Variants in KCNH7 observed in about 807,000 individuals in gnomAD.
KCNH7 encodes voltage-gated inwardly rectifying potassium channel KCNH7.
A neutral mutation model predicts 120.8 loss-of-function variants in KCNH7; 49 were observed. That is an observed-to-expected ratio of 0.41 (90% CI 0.32 to 0.51). KCNH7 has a LOEUF of 0.51. KCNH7 is among the 20% of genes least tolerant of loss of function. The pLI is 0.38. For missense variants in KCNH7, 1,097 were observed against 1,446.6 expected, an observed-to-expected ratio of 0.76 and a Z score of 3.92; for synonymous variants, 547 against 516.1, an observed-to-expected ratio of 1.06 and a Z score of -0.81.
chr2:162,748,009 C>T (rs1400946585), intron 2 of KCNH7, among the ~76,000 whole-genome samples: 1 of 152,092 alleles, frequency 6.6e-6, no homozygotes, highest in African/African-American at 2.4e-5. Flanking sequence ...AAATGGTTAC[C>T]TGAGAGCCAA....
intron 2 of KCNH7, among the ~76,000 whole-genome samples, chr2:162,816,928 C>A (rs1315319458): frequency 2.0e-5 from 3 of 151,910 alleles, no homozygotes; most frequent in Non-Finnish European, 4.4e-5. Context: ...TAAATACAAG[C>A]CAATTTTCCT....
At chr2:162,663,403 T>A (rs953426933) in intron 2 of KCNH7, among the ~76,000 whole-genome samples, 23 of 152,220 alleles carry the variant, frequency 1.5e-4, no homozygotes, top group Admixed American at 1.3e-3. Flanking sequence ...AGGATATATT[T>A]TGATGATAAT....
chr2:162,409,116 G>A (rs11900789), intron 9 of KCNH7, among the ~76,000 whole-genome samples: 5 of 151,586 alleles, frequency 3.3e-5, no homozygotes, highest in Non-Finnish European at 5.9e-5. Context: ...AAGAACAGTA[G>A]CAAGCTAGCT....
intron 6 of KCNH7, among the ~76,000 whole-genome samples, chr2:162,490,518 C>T (rs908105144): frequency 6.6e-6 from 1 of 152,188 alleles, no homozygotes; most frequent in Non-Finnish European, 1.5e-5. Flanking sequence ...ATTTTGGGAG[C>T]TCGCACAGGA....
intron 2 of KCNH7, among the ~76,000 whole-genome samples, chr2:162,758,644 G>A (rs1235492467): frequency 6.6e-6 from 1 of 151,848 alleles, no homozygotes; most frequent in East Asian, 1.9e-4. Flanking sequence ...TAGTTGTATT[G>A]TTTTTAGAAA....
rs983021362 is a variant in KCNH7 at position 162,714,762 on chromosome 2, G to A, written c.307+121775C>T. Among the ~76,000 whole-genome samples the A allele has an allele frequency of 2.6e-5, 4 of 152,176 alleles. No homozygotes were observed. In the East Asian group the frequency reaches 5.8e-4, roughly 22 times the overall value. ...TGGCTGTGTTCCGGTGAAACTTTATGGACACTGAAATTTAGATTTTATATA... is the reference window on the plus strand; with the variant it reads ...TGGCTGTGTTCCGGTGAAACTTTATAGACACTGAAATTTAGATTTTATATA... On this transcript the variant is annotated intron_variant, in intron 2 of 15. Coordinates refer to ENST00000332142, the MANE Select transcript of KCNH7 (RefSeq NM_033272.4).
At chr2:162,537,577 T>C (rs1053939984) in intron 2 of KCNH7, among the ~76,000 whole-genome samples, 1 of 152,102 alleles carries the variant, frequency 6.6e-6, no homozygotes, top group African/African-American at 2.4e-5. Context: ...ATCTTATATA[T>C]GTTACAGTAA....
chr2:162,749,776 C>T (rs73014136), intron 2 of KCNH7, among the ~76,000 whole-genome samples: 355 of 151,904 alleles, frequency 2.3e-3, no homozygotes, highest in African/African-American at 8.2e-3. Context: ...GAGTATAGCA[C>T]GTCTCTATGG....
intron 4 of KCNH7, among the ~76,000 whole-genome samples, chr2:162,515,865 T>C (rs1181319928): frequency 6.6e-6 from 1 of 151,808 alleles, no homozygotes; most frequent in Non-Finnish European, 1.5e-5. Context: ...GAGCTATTGA[T>C]TTATCTTTCT....
At position 162,513,467 on chromosome 2, in the gene KCNH7, C is replaced by CTCCTTCCTTCCTTCCT. The variant is rs66776235; in HGVS notation, c.893-809_893-794dup. Reference sequence around the variant, plus strand: ...CTTCCTTCCTTCTCTCCTTCCCTCCCTCCTTCCTTCCTTCCTTCCTTCCTT... The same window carrying CTCCTTCCTTCCTTCCT: ...CTTCCTTCCTTCTCTCCTTCCCTCCCTCCTTCCTTCCTTCCTTCCTTCCTTCCTTCCTTCCTTCCTT... On this transcript the variant is annotated intron_variant, in intron 4 of 15. Transcript: ENST00000332142. Among the ~76,000 whole-genome samples the CTCCTTCCTTCCTTCCT allele has an allele frequency of 8.3e-3, 868 of 104,678 alleles. 28 individuals carry two copies. The highest frequency in any genetic ancestry group is 0.031 in the East Asian group (83 of 2,662). 68.7% of individuals were successfully genotyped at this position (104,678 alleles called of 152,430 possible).
intron 6 of KCNH7, among the ~76,000 whole-genome samples, chr2:162,482,354 A>C (rs1689957237): frequency 6.6e-6 from 1 of 152,190 alleles, no homozygotes; most frequent in Non-Finnish European, 1.5e-5. Context: ...ATGAGGAGTA[A>C]GAATACAGTG....
At chr2:162,412,351 G>A (rs906511843) in intron 9 of KCNH7, among the ~76,000 whole-genome samples, 4 of 151,942 alleles carry the variant, frequency 2.6e-5, no homozygotes, top group East Asian at 1.9e-4. Flanking sequence ...CTTTGTCTAC[G>A]TATTAGATTT....
rs535966982 is a variant in KCNH7, at chr2:162,402,205, T to A, written c.2155-1764A>T. Among the ~76,000 whole-genome samples the A allele has an allele frequency of 4.0e-5, 6 of 151,216 alleles. No individual in the cohort carries two copies. In the South Asian group the frequency reaches 1.3e-3, roughly 32 times the overall value. ...GTCTGTGCCTGTTTCTGCCTCCAGG[T>A]CCTGGAGGCCCTTTCTACTCTTTGT... On this transcript the variant is annotated intron_variant, in intron 9 of 15. Transcript: ENST00000332142.
At chr2:162,512,756 T>C in intron 4 of KCNH7, 82 bp from the exon 5 acceptor site, 1 of 1,050,588 alleles carries the variant, frequency 9.5e-7, no homozygotes, top group East Asian at 2.6e-5. Context: ...ATTACCTGTA[T>C]AAAAACAATC....
intron 2 of KCNH7, among the ~76,000 whole-genome samples, chr2:162,561,052 CT>C (rs58710467): frequency 0.62 from 92,585 of 148,278 alleles, 29,637 homozygotes; most frequent in African/African-American, 0.8. Context: ...ATGAAATAAC[CT>C]TTTTTTTTTT....
intron 2 of KCNH7, among the ~76,000 whole-genome samples, chr2:162,645,010 TTTAAC>T (rs1224380186): frequency 6.6e-6 from 1 of 152,196 alleles, no homozygotes; most frequent in African/African-American, 2.4e-5. Context: ...CCTACTTATA[TTTAAC>T]TAGTGTTTCT....
At chr2:162,506,858 TTTGTGGGGGCA>T (rs1404028474) in intron 5 of KCNH7, among the ~76,000 whole-genome samples, 1 of 151,792 alleles carries the variant, frequency 6.6e-6, no homozygotes, top group Non-Finnish European at 1.5e-5. Flanking sequence ...CTAGGGGAGA[TTTGTGGGGGCA>T]TTTTTTGTTG....
chr2:162,518,526 C>T (rs1449628996), intron 3 of KCNH7, among the ~76,000 whole-genome samples: 1 of 151,736 alleles, frequency 6.6e-6, no homozygotes, highest in Admixed American at 6.6e-5. Flanking sequence ...TCTAAGGCAT[C>T]ATAAGTCCAG....
Position 162,616,225 on chromosome 2 carries a change from T to C in KCNH7, c.308-79145A>G, listed in dbSNP as rs565096960. 2.0e-4 allele frequency among the ~76,000 whole-genome samples: 30 copies of C among 152,302 alleles called. No individual in the cohort carries two copies. In the East Asian group the frequency reaches 5.6e-3, roughly 28 times the overall value. On this transcript the variant is annotated intron_variant, in intron 2 of 15. Coordinates refer to ENST00000332142, the MANE Select transcript of KCNH7 (RefSeq NM_033272.4). ...GTGAACTTCAACTCCATCTAATTCA[T>C]ATGTATTAAATAAACCTATGACCCT...
Sources: gnomAD v4.1 joint callset for allele counts (sites outside exome capture counted in the v4.1 genomes callset) on GRCh38, gnomAD v4.1.1 for gene constraint, MANE v1.5 for transcripts, NCBI Gene and HGNC (gene_info 2026-07-23, HGNC 2026-07-21) for gene names.